The following TRPM3 variants were observed in gnomAD, a reference collection of about 807,000 sequenced individuals.
TRPM3 encodes the protein transient receptor potential cation channel subfamily M member 3.
TRPM3 carries 77 observed loss-of-function variants against 181.2 expected under a neutral mutation model. That is an observed-to-expected ratio of 0.42 (90% CI 0.35 to 0.51). TRPM3 has a LOEUF of 0.51. TRPM3 is among the 20% of genes least tolerant of loss of function. The probability of loss-of-function intolerance (pLI) is 0.01; values close to 1 mark genes in which losing one functional copy is unlikely to be tolerated. For missense variants in TRPM3, 1,759 were observed against 2,196.7 expected (o/e 0.80, Z 3.98); for synonymous variants, 745 against 796.4 (o/e 0.94, Z 1.09).
chr9:71,167,295 T>C (rs1459409983), intron 1 of TRPM3, among the ~76,000 whole-genome samples: 2 of 152,184 alleles, frequency 1.3e-5, no homozygotes, highest in African/African-American at 2.4e-5. Flanking sequence ...CTTATGTGAT[T>C]TTCCTCAAGA....
At chr9:70,672,447 G>A (rs921643552) in intron 9 of TRPM3, among the ~76,000 whole-genome samples, 12 of 152,128 alleles carry the variant, frequency 7.9e-5, no homozygotes, top group Admixed American at 3.3e-4. Flanking sequence ...TTTGAGCCCT[G>A]GATGCCACTT....
intron 1 of TRPM3, among the ~76,000 whole-genome samples, chr9:71,138,776 C>T (rs1042168272): frequency 2.6e-5 from 4 of 152,240 alleles, no homozygotes; most frequent in African/African-American, 4.8e-5. Flanking sequence ...AGAACTTTTT[C>T]TGTAACTGGC....
intron 1 of TRPM3, among the ~76,000 whole-genome samples, chr9:71,398,288 T>C (rs2093248814): frequency 2.6e-5 from 4 of 152,232 alleles, no homozygotes; most frequent in Admixed American, 2.6e-4. Context: ...GTAACAACTT[T>C]TTAAGTTTGT....
At chr9:70,781,175 A>T (rs1219885494) in intron 7 of TRPM3, among the ~76,000 whole-genome samples, 1 of 151,964 alleles carries the variant, frequency 6.6e-6, no homozygotes, top group Non-Finnish European at 1.5e-5. Context: ...AATACAAAAA[A>T]TTAGCCAGGG....
intron 1 of TRPM3, among the ~76,000 whole-genome samples, chr9:71,337,693 C>G (rs536018136): frequency 6.6e-6 from 1 of 152,250 alleles, no homozygotes; most frequent in African/African-American, 2.4e-5. Flanking sequence ...AAATTCCCAT[C>G]AATGGTAGAC....
chr9:71,296,020 A>T (rs2086231364), intron 1 of TRPM3, among the ~76,000 whole-genome samples: 1 of 152,034 alleles, frequency 6.6e-6, no homozygotes, highest in African/African-American at 2.4e-5. Flanking sequence ...CTCTTTCCTA[A>T]AGCCTTAGAG....
intron 8 of TRPM3, among the ~76,000 whole-genome samples, chr9:70,695,659 G>A (rs183626650): frequency 1.3e-3 from 199 of 152,302 alleles, no homozygotes; most frequent in South Asian, 2.5e-3. Flanking sequence ...CAGCACAAAC[G>A]ATACCAACAT....
At chr9:70,987,269 A>G (rs1475386636) in intron 1 of TRPM3, among the ~76,000 whole-genome samples, 1 of 152,132 alleles carries the variant, frequency 6.6e-6, no homozygotes, top group Non-Finnish European at 1.5e-5. Flanking sequence ...TCAAAACTTA[A>G]ATGCTTGATC....
chr9:71,168,617 A>T (rs1160667184), intron 1 of TRPM3, among the ~76,000 whole-genome samples: 51 of 73,734 alleles, frequency 6.9e-4, no homozygotes, highest in Admixed American at 1.6e-3. Context: ...TTATTTTTTT[A>T]TTATTATTTT....
At chr9:70,912,099 G>A (rs1054433519) in intron 1 of TRPM3, among the ~76,000 whole-genome samples, 1 of 152,188 alleles carries the variant, frequency 6.6e-6, no homozygotes, top group African/African-American at 2.4e-5. Context: ...CTTCATGAGT[G>A]TCTCAATCTG....
chr9:70,748,270 T>C (rs1298034552), intron 8 of TRPM3, among the ~76,000 whole-genome samples: 1 of 152,202 alleles, frequency 6.6e-6, no homozygotes, highest in Non-Finnish European at 1.5e-5. Context: ...TGGCTTTTGC[T>C]TGCCTTATGC....
intron 1 of TRPM3, among the ~76,000 whole-genome samples, chr9:71,340,491 G>A (rs1164138768): frequency 3.3e-5 from 5 of 152,014 alleles, no homozygotes; most frequent in Non-Finnish European, 5.9e-5. Flanking sequence ...TAAGTCTCAC[G>A]AGATCTGATG....
intron 1 of TRPM3, among the ~76,000 whole-genome samples, chr9:70,976,108 G>T (rs2097299905): frequency 6.6e-6 from 1 of 152,154 alleles, no homozygotes; most frequent in South Asian, 2.1e-4. Flanking sequence ...TCTCTTCCCA[G>T]TGTGGTGAAG....
At chr9:71,321,475 T>A (rs950929657) in intron 1 of TRPM3, among the ~76,000 whole-genome samples, 1 of 152,162 alleles carries the variant, frequency 6.6e-6, no homozygotes, top group African/African-American at 2.4e-5. Context: ...AACATGAAAC[T>A]ATGAATATAC....
chr9:70,765,534 G>T (rs1348589781), intron 7 of TRPM3, among the ~76,000 whole-genome samples: 1 of 152,118 alleles, frequency 6.6e-6, no homozygotes, highest in Non-Finnish European at 1.5e-5. Flanking sequence ...AAGTTGAAGT[G>T]AACTGAGATC....
chr9:71,389,326 C>T (rs953346408), intron 1 of TRPM3, among the ~76,000 whole-genome samples: 1 of 151,058 alleles, frequency 6.6e-6, no homozygotes, highest in Non-Finnish European at 1.5e-5. Flanking sequence ...AAAAAAAAAT[C>T]AAAAAACAGA....
chr9:70,934,132 A>G (rs1409287301), intron 1 of TRPM3, among the ~76,000 whole-genome samples: 1 of 152,180 alleles, frequency 6.6e-6, no homozygotes, highest in African/African-American at 2.4e-5. Context: ...TCAAGGCTCT[A>G]TTCTTTAAGT....
At chr9:70,608,186 C>G (rs2061491052) in intron 19 of TRPM3, among the ~76,000 whole-genome samples, 1 of 152,234 alleles carries the variant, frequency 6.6e-6, no homozygotes. Flanking sequence ...CCACGTGGCC[C>G]TGCCAGAGTC....
rs915189938 is a variant in TRPM3, at chr9:70,776,255, C to T, written c.1148+7850G>A. Reference sequence around the variant, plus strand: ...GGACTTTAAAAAAGTAAAAATCAATCAAGACAAGTGGGAGGTTAGGACTCT... The same window carrying T: ...GGACTTTAAAAAAGTAAAAATCAATTAAGACAAGTGGGAGGTTAGGACTCT... On this transcript the variant is annotated intron_variant, in intron 7 of 25. Coordinates refer to ENST00000677713, the MANE Select transcript of TRPM3 (RefSeq NM_001366145.2). 7 of 451,218 alleles carry T rather than the reference C, an allele frequency of 1.6e-5. No homozygotes were observed. In the East Asian group the frequency reaches 2.5e-4, roughly 16 times the overall value. The allele number at this position is 451,218 out of a possible 1,614,324, so 28.0% of individuals were successfully genotyped here.
Sources: gnomAD v4.1 joint callset for allele counts (sites outside exome capture counted in the v4.1 genomes callset) on GRCh38, gnomAD v4.1.1 for gene constraint, MANE v1.5 for transcripts, NCBI Gene and HGNC (gene_info 2026-07-23, HGNC 2026-07-21) for gene names.